GFM2: variants seen among roughly 807,000 people sequenced by gnomAD.
GFM2 encodes the protein ribosome-releasing factor 2, mitochondrial.
Under a neutral mutation model 95.4 loss-of-function variants are expected in GFM2, and 72 were observed. That is an observed-to-expected ratio of 0.76 (90% CI 0.62 to 0.92). The LOEUF is 0.92. Among genes scored for constraint, GFM2 ranks in the 40% least tolerant of loss-of-function variants. GFM2 has a pLI of 0.00. For missense variants in GFM2, 825 were observed against 924.1 expected (o/e 0.89, Z 1.39); for synonymous variants, 276 against 317.5 (o/e 0.87, Z 1.39).
chr5:74,754,404 C>T (rs1393309581), intron 5 of GFM2, among the ~76,000 whole-genome samples: 2 of 151,452 alleles, frequency 1.3e-5, no homozygotes, highest in South Asian at 2.1e-4. Context: ...AAATGTTCCA[C>T]TTAAAAGATA....
chr5:74,748,903 A>ATAAAC, intron 7 of GFM2, among the ~76,000 whole-genome samples: 1 of 133,352 alleles, frequency 7.5e-6, no homozygotes, highest in African/African-American at 3.0e-5. Context: ...ATAAAATAAA[A>ATAAAC]TAAAATAAAA....
intron 1 of GFM2, among the ~76,000 whole-genome samples, chr5:74,766,696 A>G (rs1342008464): frequency 1.3e-5 from 2 of 152,240 alleles, no homozygotes; most frequent in Non-Finnish European, 2.9e-5. Flanking sequence ...CTAAGTTTTC[A>G]TTCCTCAGTA....
At position 74,745,850 on chromosome 5, in the gene GFM2, A is replaced by G. The variant is rs565279528; in HGVS notation, c.677T>C (p.Ile226Thr). Residue 226 changes from isoleucine to threonine, a missense_variant, in exon 10 of 21, where the codon ATT becomes ACT. By Grantham distance (89) the Ile-to-Thr change is moderately conservative. Transcript: ENST00000296805. ...KAKPLLLQLP[I>T]GEAKTFKGVV... ...TCCTTTGAAAGTTTTGGCTTCACCA[A>G]TTGGTAACTGTAAGTCAGAGTGAGA... 1 of 1,610,612 alleles carries G rather than the reference A, an allele frequency of 6.2e-7. No individual in the cohort carries two copies. Among genetic ancestry groups the G allele is most frequent in the African/African-American group, 1.3e-5 (1 of 74,868 alleles).
Position 74,722,380 on chromosome 5 carries a change from A to G in GFM2, c.2210T>C (p.Met737Thr), listed in dbSNP as rs139397531. 7 of 1,612,800 alleles carry G rather than the reference A, an allele frequency of 4.3e-6. No homozygotes were observed. The African/African-American group carries it at 6.7e-5, about 15-fold the overall frequency. Residue 737 changes from methionine to threonine, a missense_variant and splice_region_variant, in exon 20 of 21, where the codon ATG becomes ACG. Transcript: ENST00000296805. ...ACTTTTCAGTTACAAAGTACCTACC[A>G]TAATTTCTGCTAAGGGAACAAATCC... ...VIGFVPLAEI[M>T]GYSTVLRTLT...
Position 74,758,702 on chromosome 5 carries a change from T to C in GFM2, c.304+147A>G, listed in dbSNP as rs565261509. 114 of 601,182 alleles carry C rather than the reference T, an allele frequency of 1.9e-4. No individual in the cohort carries two copies. The South Asian group carries it at 2.2e-3, about 12-fold the overall frequency. 37.2% of individuals were successfully genotyped at this position (601,182 alleles called of 1,614,324 possible). ...ATCTAAGAAGACCCTTTGGTGGGTA[T>C]TGCAACTATCTTATCTTTAAATTGT... On this transcript the variant is annotated intron_variant, in intron 5 of 20. Coordinates refer to ENST00000296805, the MANE Select transcript of GFM2 (RefSeq NM_032380.5).
chr5:74,727,585 A>C (rs1323813907), intron 17 of GFM2, among the ~76,000 whole-genome samples: 1 of 152,144 alleles, frequency 6.6e-6, no homozygotes, highest in Non-Finnish European at 1.5e-5. Context: ...TGAACTTAGA[A>C]ACTATTTTTT....
chr5:74,757,911 T>G (rs1257928283), intron 5 of GFM2, among the ~76,000 whole-genome samples: 1 of 151,898 alleles, frequency 6.6e-6, no homozygotes, highest in Non-Finnish European at 1.5e-5. Flanking sequence ...GAAGAAAAAG[T>G]AGAAGGATGG....
intron 5 of GFM2, 104 bp from the exon 6 acceptor site, chr5:74,751,597 T>C (rs1743717798): frequency 7.6e-6 from 6 of 791,610 alleles, no homozygotes; most frequent in Non-Finnish European, 1.2e-5. Context: ...GAAAAATCTT[T>C]CCTAAAATAT....
chr5:74,743,050 A>G (rs555720193), intron 10 of GFM2, among the ~76,000 whole-genome samples: 1 of 152,268 alleles, frequency 6.6e-6, no homozygotes, highest in African/African-American at 2.4e-5. Context: ...TCAACTTGCA[A>G]AACAAACTCC....
chr5:74,741,801 A>G (rs1579993074), intron 10 of GFM2, 192 bp from the exon 11 acceptor site: 1 of 428,460 alleles, frequency 2.3e-6, no homozygotes, highest in Non-Finnish European at 4.2e-6. Flanking sequence ...ATGGAAAACT[A>G]AAGATACTAT....
chr5:74,759,343 A>G, intron 4 of GFM2, 26 bp downstream of exon 4: 1 of 1,341,316 alleles, frequency 7.5e-7, no homozygotes, highest in Non-Finnish European at 1.1e-6. Flanking sequence ...GTCTATGGAA[A>G]AGCATGATAT....
At chr5:74,732,990 A>G (rs1463772537) in intron 16 of GFM2, 32 bp downstream of exon 16, 1 of 1,230,572 alleles carries the variant, frequency 8.1e-7, no homozygotes, top group African/African-American at 1.5e-5. Flanking sequence ...TCTTATAGAA[A>G]GGCTTCTGGA....
chr5:74,758,393 T>C (rs1003262901), intron 5 of GFM2, among the ~76,000 whole-genome samples: 3 of 152,324 alleles, frequency 2.0e-5, no homozygotes, highest in African/African-American at 7.2e-5. Flanking sequence ...CTGGAAGCTA[T>C]GCCTATGAAG....
chr5:74,722,658 ACT>A (rs760997924), intron 19 of GFM2, 97 bp from the exon 20 acceptor site: 21 of 936,106 alleles, frequency 2.2e-5, no homozygotes, highest in East Asian at 1.3e-4. Flanking sequence ...GCTTGCTTTA[ACT>A]CTCTCTTTAA....
intron 5 of GFM2, among the ~76,000 whole-genome samples, chr5:74,756,837 T>C (rs1249704270): frequency 6.6e-6 from 1 of 152,162 alleles, no homozygotes; most frequent in African/African-American, 2.4e-5. Context: ...ACTGACATCA[T>C]TTGTTCTCAC....
At chr5:74,726,341 C>G (rs998487380) in intron 17 of GFM2, among the ~76,000 whole-genome samples, 1 of 152,126 alleles carries the variant, frequency 6.6e-6, no homozygotes, top group Non-Finnish European at 1.5e-5. Context: ...TAAAAACCTG[C>G]TCTGTATCAC....
chr5:74,764,026 G>A lies in GFM2; in HGVS notation c.-24-260C>T, dbSNP rs10515194. Among the ~76,000 whole-genome samples the A allele has an allele frequency of 0.16, 24,441 of 152,100 alleles. 2,381 individuals carry two copies. The highest frequency in any genetic ancestry group is 0.27 in the African/African-American group (11,364 of 41,466). On this transcript the variant is annotated intron_variant, in intron 1 of 20. Coordinates refer to ENST00000296805, the MANE Select transcript of GFM2 (RefSeq NM_032380.5). ...GTTTAAAGAAAGATATGGCGATACA[G>A]TAGAAATCAACTTATTGAAATTACA...
At chr5:74,757,731 TAAAAAAAAAAAAA>T (rs35313753) in intron 5 of GFM2, among the ~76,000 whole-genome samples, 3 of 89,168 alleles carry the variant, frequency 3.4e-5, no homozygotes, top group African/African-American at 8.1e-5. Context: ...CCTATGTCTC[TAAAAAAAAAAAAA>T]AAAAAAAAAA....
Position 74,740,004 on chromosome 5 carries a change from C to A in GFM2, c.1064G>T (p.Arg355Leu). Residue 355 changes from arginine to leucine, a missense_variant, in exon 12 of 21, where the codon CGT becomes CTT. By Grantham distance (102) the Arg-to-Leu change is moderately radical. Coordinates refer to ENST00000296805, the MANE Select transcript of GFM2 (RefSeq NM_032380.5). Reference sequence around the variant, plus strand: ...GCATACTTACAGAAATTCATAGTTACGCTCTTCAGGTGAAGGTAAGTACAT... The same window carrying A: ...GCATACTTACAGAAATTCATAGTTAAGCTCTTCAGGTGAAGGTAAGTACAT... ...VTMYLPSPEERNYEFLQWYKD... is the reference protein window; with the variant it reads ...VTMYLPSPEELNYEFLQWYKD... The A allele has an allele frequency of 6.4e-7, 1 of 1,550,942 alleles. No individual in the cohort carries two copies. The highest frequency in any genetic ancestry group is 8.7e-7 in the Non-Finnish European group (1 of 1,152,074).
Sources: gnomAD v4.1 joint callset for allele counts (sites outside exome capture counted in the v4.1 genomes callset) on GRCh38, gnomAD v4.1.1 for gene constraint, MANE v1.5 for transcripts, NCBI Gene and HGNC (gene_info 2026-07-23, HGNC 2026-07-21) for gene names.